The following MYSM1 variants were observed in gnomAD, a reference collection of about 807,000 sequenced individuals.
MYSM1 encodes the protein Myb like, SWIRM and MPN domains 1.
A neutral mutation model predicts 116.0 loss-of-function variants in MYSM1; 51 were observed. That is an observed-to-expected ratio of 0.44 (90% CI 0.35 to 0.56). The LOEUF (loss-of-function observed/expected upper bound fraction) is 0.56, where lower values mean the gene tolerates loss of function less well. MYSM1 is among the 20% of genes least tolerant of loss of function. MYSM1 has a pLI of 0.00. For synonymous variants in MYSM1, 313 were observed against 315.2 expected (o/e 0.99, Z 0.07); for missense variants, 900 against 974.9 (o/e 0.92, Z 1.02).
At chr1:58,665,819 C>T (rs933620595) in intron 16 of MYSM1, among the ~76,000 whole-genome samples, 188 bp from the exon 17 acceptor site, 4 of 151,720 alleles carry the variant, frequency 2.6e-5, no homozygotes, top group East Asian at 3.9e-4. Flanking sequence ...CTGAGGCAGG[C>T]GGACTGCTTG....
At position 58,659,529 on chromosome 1, in the gene MYSM1, AT is replaced by A. The variant is rs1030591448; in HGVS notation, c.*467del. ...TTATTAATCAGTAGTTCTAAACCAT[AT>A]TAATTATCTCAGTGACCACCCATCC... is the stretch of plus-strand genomic sequence containing the variant. On this transcript the variant is annotated 3_prime_UTR_variant, in exon 20 of 20. Coordinates refer to ENST00000472487, the MANE Select transcript of MYSM1 (RefSeq NM_001085487.3). 6.6e-6 allele frequency: 1 copy of A among 152,200 alleles called. No homozygotes were observed. The highest frequency in any genetic ancestry group is 2.4e-5 in the African/African-American group (1 of 41,448). The allele number at this position is 152,200 out of a possible 1,614,324, so 9.4% of individuals were successfully genotyped here. A position where few individuals can be genotyped will look rare whatever the true frequency, so the allele number is the denominator to read the frequency against.
chr1:58,673,799 A>C (rs1644601714), intron 10 of MYSM1, 149 bp from the exon 11 acceptor site: 1 of 640,328 alleles, frequency 1.6e-6, no homozygotes. Context: ...GACTGACTAA[A>C]CTTTATTAAT....
At chr1:58,661,575 T>G in intron 17 of MYSM1, 64 bp from the exon 18 acceptor site, 2 of 919,386 alleles carry the variant, frequency 2.2e-6, no homozygotes, top group African/African-American at 1.7e-5. Flanking sequence ...CTCCTTTTAA[T>G]TATACTTAAA....
chr1:58,664,951 C>T (rs1276560482), intron 17 of MYSM1, among the ~76,000 whole-genome samples: 4 of 152,162 alleles, frequency 2.6e-5, no homozygotes, highest in South Asian at 4.1e-4. Flanking sequence ...ACTCCCTATC[C>T]GCCCAGAAAT....
Position 58,667,846 on chromosome 1 carries a change from C to A in MYSM1, c.1842+1G>T, listed in dbSNP as rs1310432747. On this transcript the variant is annotated splice_donor_variant, in intron 15 of 19. Transcript: ENST00000472487. LOFTEE classifies it high-confidence loss of function. ...ACATTTTTTTAAAAGAGAGAACTTA[C>A]TTCAACTACTTTATCAACTTCTGAG... 6.3e-7 allele frequency: 1 copy of A among 1,586,842 alleles called. No individual in the cohort carries two copies. The highest frequency in any genetic ancestry group is 8.7e-7 in the Non-Finnish European group (1 of 1,155,424).
chr1:58,670,423 A>C (rs566489640), intron 12 of MYSM1, among the ~76,000 whole-genome samples: 3 of 152,216 alleles, frequency 2.0e-5, no homozygotes, highest in Non-Finnish European at 4.4e-5. Flanking sequence ...AGACTGCAGA[A>C]AAGGAGGAAC....
In MYSM1 at chr1:58,682,162, A is replaced by G. The variant is rs1388008355; in HGVS notation, c.882T>C (p.Ile294=). The change falls in exon 8 of 20, where the codon ATT becomes ATC. Residue 294 remains isoleucine, a synonymous_variant. Transcript: ENST00000472487. ...KQDETLSSSE[I]TLWTEKQSNG... ...TGCTCTGTTTCTCAGTCCACAGTGTAATTTCTGAGCTTGAAAGTGTTTCAT... is the reference window on the plus strand; with the variant it reads ...TGCTCTGTTTCTCAGTCCACAGTGTGATTTCTGAGCTTGAAAGTGTTTCAT... The G allele has an allele frequency of 1.9e-6, 3 of 1,612,786 alleles. No homozygotes were observed. The Admixed American group carries it at 5.0e-5, about 27-fold the overall frequency.
chr1:58,682,049 A>G lies in MYSM1; in HGVS notation c.995T>C (p.Ile332Thr), dbSNP rs374076928. The G allele has an allele frequency of 1.2e-6, 2 of 1,614,024 alleles. No homozygotes were observed. Among genetic ancestry groups the G allele is most frequent in the Non-Finnish European group, 1.7e-6 (2 of 1,180,038 alleles). The change falls in exon 8 of 20, where the codon ATA (isoleucine) becomes ACA (threonine). Residue 332 changes from isoleucine to threonine, a missense_variant. Ile to Thr is a moderately conservative substitution (Grantham distance 89). Transcript: ENST00000472487. ...AGAAGGCAACTGCCTGGCATCAACT[A>G]TTATTCCCCTTCCATCATGCTTGTT... ...NCNKHDGRGI[I>T]VDARQLPSPE... is the part of the protein sequence containing the mutation.
rs1428925501 is a variant in MYSM1 at position 58,690,256 on chromosome 1, C to A, written c.297-7G>T. 1.3e-6 allele frequency: 2 copies of A among 1,574,274 alleles called. No individual in the cohort carries two copies. Among genetic ancestry groups the A allele is most frequent in the African/African-American group, 1.4e-5 (1 of 72,948 alleles). Reference sequence around the variant, plus strand: ...TTTTGCTGTTTTCTGCAGACTGCATCACATGAAAAAAGAAAATAAGGAAGC... The same window carrying A: ...TTTTGCTGTTTTCTGCAGACTGCATAACATGAAAAAAGAAAATAAGGAAGC... On this transcript the variant is annotated splice_polypyrimidine_tract_variant and splice_region_variant and intron_variant, in intron 4 of 19. Coordinates refer to ENST00000472487, the MANE Select transcript of MYSM1 (RefSeq NM_001085487.3).
chr1:58,684,766 A>G (rs1425049792), intron 7 of MYSM1, among the ~76,000 whole-genome samples: 4 of 152,148 alleles, frequency 2.6e-5, no homozygotes, highest in Non-Finnish European at 5.9e-5. Context: ...TCAGGATAGC[A>G]TTTACCTCCT....
At chr1:58,666,832 C>T (rs1644478217) in intron 16 of MYSM1, among the ~76,000 whole-genome samples, 1 of 150,754 alleles carries the variant, frequency 6.6e-6, no homozygotes, top group African/African-American at 2.4e-5. Context: ...CAAGATCGTG[C>T]CATTGCACTC....
intron 1 of MYSM1, among the ~76,000 whole-genome samples, chr1:58,697,997 C>T (rs563261954): frequency 2.0e-5 from 3 of 148,330 alleles, no homozygotes; most frequent in Non-Finnish European, 4.5e-5. Flanking sequence ...GCTATAATAT[C>T]AACTGTAACT....
At chr1:58,691,321 C>T (rs924982326) in intron 3 of MYSM1, among the ~76,000 whole-genome samples, 3 of 151,946 alleles carry the variant, frequency 2.0e-5, no homozygotes, top group African/African-American at 7.3e-5. Context: ...TGATGAAGTA[C>T]TTTAAGATTA....
At chr1:58,678,069 T>C (rs1644680256) in intron 8 of MYSM1, among the ~76,000 whole-genome samples, 1 of 152,190 alleles carries the variant, frequency 6.6e-6, no homozygotes, top group South Asian at 2.1e-4. Context: ...TGGGAGGGAC[T>C]GTCAATAATC....
rs1001542971 is a variant in MYSM1 at position 58,655,628 on chromosome 1, A to C, written c.*4369T>G. 6.6e-6 allele frequency: 1 copy of C among 152,194 alleles called. No homozygotes were observed. Among genetic ancestry groups the C allele is most frequent in the Non-Finnish European group, 1.5e-5 (1 of 68,030 alleles). 9.4% of individuals were successfully genotyped at this position (152,194 alleles called of 1,614,324 possible). ...AGAAAGCAGAATTTGGGGGAATAGC[A>C]CATGAAGCCATTTAAGAAAAGGTCA... On this transcript the variant is annotated 3_prime_UTR_variant, in exon 20 of 20. Coordinates refer to ENST00000472487, the MANE Select transcript of MYSM1 (RefSeq NM_001085487.3).
intron 11 of MYSM1, among the ~76,000 whole-genome samples, chr1:58,672,198 A>G (rs192533956): frequency 6.6e-6 from 1 of 152,290 alleles, no homozygotes; most frequent in Admixed American, 6.5e-5. Context: ...GCCCATTTCA[A>G]TCAATGGTAC....
intron 11 of MYSM1, among the ~76,000 whole-genome samples, chr1:58,673,137 C>T (rs1472605749): frequency 1.3e-5 from 2 of 152,126 alleles, no homozygotes; most frequent in African/African-American, 4.8e-5. Context: ...AGTAACAAAG[C>T]CAGTACGTAC....
rs562486237 is a variant in MYSM1 at position 58,673,303 on chromosome 1, T to C, written c.1572+270A>G. Among the ~76,000 whole-genome samples, 3 of 152,330 alleles carry C rather than the reference T, an allele frequency of 2.0e-5. No homozygotes were observed. In the East Asian group the frequency reaches 5.8e-4, roughly 29 times the overall value. On this transcript the variant is annotated intron_variant, in intron 11 of 19. Transcript: ENST00000472487. ...AATGTTTAATGAAACGAATTGGGCA[T>C]ACCAACTTCTTGACACCCTTATCTT...
chr1:58,673,621 T>C lies in MYSM1; in HGVS notation c.1524A>G (p.Pro508=), dbSNP rs912023454. Residue 508 remains proline (P), a synonymous_variant, in exon 11 of 20, where the codon CCA becomes CCG. Coordinates refer to ENST00000472487, the MANE Select transcript of MYSM1 (RefSeq NM_001085487.3). ...CCTTTGCATCACACCAGTTTCCCCA[T>C]GGGTCTCGGACCCTACGTCTCCTTG... ...MRTRRRRVRD[P]WGNWCDAKDL... 19 of 1,613,990 alleles carry C rather than the reference T, an allele frequency of 1.2e-5. No homozygotes were observed. The highest frequency in any genetic ancestry group is 1.4e-5 in the Non-Finnish European group (16 of 1,179,974).
Sources: gnomAD v4.1 joint callset for allele counts (sites outside exome capture counted in the v4.1 genomes callset) on GRCh38, gnomAD v4.1.1 for gene constraint, MANE v1.5 for transcripts, NCBI Gene and HGNC (gene_info 2026-07-23, HGNC 2026-07-21) for gene names.